The following EPS8L3 variants were observed in gnomAD, a reference collection of about 807,000 sequenced individuals.
The protein encoded by EPS8L3 is EPS8 signaling adaptor L3.
Under a neutral mutation model 88.5 loss-of-function variants are expected in EPS8L3, and 80 were observed. The observed-to-expected ratio is 0.90, with a 90% CI of 0.75 to 1.09. The LOEUF is 1.09. Among genes scored for constraint, EPS8L3 ranks in the 50% least tolerant of loss-of-function variants. EPS8L3 has a pLI of 0.00. For synonymous variants in EPS8L3, 286 were observed against 291.0 expected, an observed-to-expected ratio of 0.98 and a Z score of 0.18; for missense variants, 721 against 735.2, an observed-to-expected ratio of 0.98 and a Z score of 0.22.
chr1:109,759,131 G>A lies in EPS8L3; in HGVS notation c.406-14C>T. 6.2e-7 allele frequency: 1 copy of A among 1,608,432 alleles called. No individual in the cohort carries two copies. The highest frequency in any genetic ancestry group is 8.5e-7 in the Non-Finnish European group (1 of 1,178,976). Reference sequence around the variant, plus strand: ...CAGTCGCTCTGCCTGGGAAGCAGCAGTCAGGCAGGCTAAGTGTGTGTGTGT... The same window carrying A: ...CAGTCGCTCTGCCTGGGAAGCAGCAATCAGGCAGGCTAAGTGTGTGTGTGT... On this transcript the variant is annotated splice_polypyrimidine_tract_variant and intron_variant, in intron 5 of 18. Coordinates refer to ENST00000361965, the MANE Select transcript of EPS8L3 (RefSeq NM_133181.4). This position sits in a 1 kb window ranked among gnomAD's most constrained non-coding sequence, Gnocchi z 4.2.
At position 109,752,717 on chromosome 1, in the gene EPS8L3, G is replaced by A; in HGVS notation, c.1204C>T (p.Pro402Ser). The part of the protein sequence containing the change: ...WQLPEPSSQA[P>S]LGYQDPVSLR... Reference sequence around the variant, plus strand: ...GAAACAGGGTCCTGGTATCCTAAGGGTGCCTGTAAGGGACAGAACAGAGAG... The same window carrying A: ...GAAACAGGGTCCTGGTATCCTAAGGATGCCTGTAAGGGACAGAACAGAGAG... The change falls in exon 14 of 19, where the codon CCC (proline) becomes TCC (serine). Residue 402 changes from proline to serine, a missense_variant. Pro to Ser is a moderately conservative substitution (Grantham distance 74, BLOSUM62 -1). Coordinates refer to ENST00000361965, the MANE Select transcript of EPS8L3 (RefSeq NM_133181.4). 6.4e-7 allele frequency: 1 copy of A among 1,552,130 alleles called. No individual in the cohort carries two copies. The highest frequency in any genetic ancestry group is 2.0e-5 in the Admixed American group (1 of 51,010).
At chr1:109,762,958 G>T (rs1651154362) in intron 1 of EPS8L3, among the ~76,000 whole-genome samples, 1 of 152,222 alleles carries the variant, frequency 6.6e-6, no homozygotes, top group East Asian at 1.9e-4. Context: ...TGGGGGTGGT[G>T]TTAGTCTGTG....
intron 14 of EPS8L3, 128 bp downstream of exon 14, chr1:109,752,558 G>A: frequency 1.2e-6 from 1 of 845,406 alleles, no homozygotes; most frequent in Non-Finnish European, 1.9e-6. Flanking sequence ...GGATGTCCTT[G>A]TACATGTTTT....
At chr1:109,761,470 G>GC in intron 3 of EPS8L3, 25 bp downstream of exon 3, 1 of 1,598,592 alleles carries the variant, frequency 6.3e-7, no homozygotes, top group Non-Finnish European at 8.6e-7. Flanking sequence ...GTTGGACACT[G>GC]CCCGGGGGCT....
rs766724648 is a variant in EPS8L3, at chr1:109,753,168, G to C, written c.1149C>G (p.Pro383=). 1 of 1,613,176 alleles carries C rather than the reference G, an allele frequency of 6.2e-7. No homozygotes were observed. Among genetic ancestry groups the C allele is most frequent in the East Asian group, 2.2e-5 (1 of 44,872 alleles). Residue 383 remains proline, a synonymous_variant, in exon 13 of 19, where the codon CCC becomes CCG. Transcript: ENST00000361965. ...AGTCATCTGAGAATGTGGGTTGGTA[G>C]GGCAGGGGCTCATCGCCTGTCCAGT... ...RADWTGDEPL[P]YQPTFSDDWQ...
At position 109,759,287 on chromosome 1, in the gene EPS8L3, G is replaced by A. The variant is rs757406657; in HGVS notation, c.356C>T (p.Pro119Leu). The change falls in exon 5 of 19, where the codon CCG becomes CTG. Residue 119 changes from proline (P) to leucine (L), a missense_variant. Physicochemically the swap from Pro to Leu is moderately conservative, Grantham distance 98. Transcript: ENST00000361965. This position sits in a 1 kb window ranked among gnomAD's most constrained non-coding sequence, Gnocchi z 4.2. Reference sequence around the variant, plus strand: ...CAGAGTGCTAGTGCCTGGCAGGCCCGGCTCCTGCACGGTGATGGACAGGAT... The same window carrying A: ...CAGAGTGCTAGTGCCTGGCAGGCCCAGCTCCTGCACGGTGATGGACAGGAT... ...NSILSITVQE[P>L]GLPGTSTLLF... 1.4e-5 allele frequency: 22 copies of A among 1,614,006 alleles called. No individual in the cohort carries two copies. The highest frequency in any genetic ancestry group is 1.0e-4 in the Admixed American group (6 of 60,000).
chr1:109,761,342 T>G, intron 3 of EPS8L3, 153 bp downstream of exon 3: 3 of 651,842 alleles, frequency 4.6e-6, no homozygotes, highest in Non-Finnish European at 5.3e-6. Flanking sequence ...CTGGCAGGCT[T>G]GTTGGATCTG....
rs1650739187 is a variant in EPS8L3, at chr1:109,759,972, A to T, written c.97-136T>A. 1 of 919,028 alleles carries T rather than the reference A, an allele frequency of 1.1e-6. No individual in the cohort carries two copies. Among genetic ancestry groups the T allele is most frequent in the African/African-American group, 1.7e-5 (1 of 60,096 alleles). 56.9% of individuals were successfully genotyped at this position (919,028 alleles called of 1,614,324 possible). A position where few individuals can be genotyped will look rare whatever the true frequency, so the allele number is the denominator to read the frequency against. The stretch of plus-strand genomic sequence containing the variant: ...TGAGGTAGGAGGTTCCAGGCTTCAG[A>T]TAAAGCAACTTTCCAGGGCCAATGT... On this transcript the variant is annotated intron_variant, in intron 3 of 18. Transcript: ENST00000361965. The surrounding 1 kb of genome is among the most constrained non-coding windows in gnomAD (Gnocchi z 4.2).
chr1:109,757,803 A>G lies in EPS8L3; in HGVS notation c.893T>C (p.Leu298Pro). ...FQKIKHSFNL[L>P]GRLATWLKET... is the part of the protein sequence containing the mutation. ...GTGAACTTGTGGGGAGCCACCTACC[A>G]GGAGGTTGAAGCTGTGCTTGATCTT... The change falls in exon 10 of 19, where the codon CTG becomes CCG. Residue 298 changes from leucine (L) to proline (P), a missense_variant and splice_region_variant. Transcript: ENST00000361965. 1 of 1,613,986 alleles carries G rather than the reference A, an allele frequency of 6.2e-7. No individual in the cohort carries two copies. Among genetic ancestry groups the G allele is most frequent in the Non-Finnish European group, 8.5e-7 (1 of 1,179,876 alleles).
chr1:109,762,525 C>T (rs1651088551), intron 1 of EPS8L3, among the ~76,000 whole-genome samples: 1 of 152,196 alleles, frequency 6.6e-6, no homozygotes, highest in Non-Finnish European at 1.5e-5. Flanking sequence ...GTACATTTAT[C>T]TCCAGCAACA....
At chr1:109,754,377 G>A (rs573494565) in intron 12 of EPS8L3, among the ~76,000 whole-genome samples, 6 of 152,240 alleles carry the variant, frequency 3.9e-5, no homozygotes, top group Admixed American at 3.9e-4. Flanking sequence ...CAAAAATCAA[G>A]TTATCTAAAT....
chr1:109,750,662 C>G lies in EPS8L3; in HGVS notation c.1768G>C (p.Gly590Arg). Reference sequence around the variant, plus strand: ...TCAGGACCCCAGGGTGTCCTCACCCCCAGCATCCTTCTGACAGCCTCCAGC... The same window carrying G: ...TCAGGACCCCAGGGTGTCCTCACCCGCAGCATCCTTCTGACAGCCTCCAGC... The part of the protein sequence containing the change: ...SRLEAVRRML[G>R]ISP The change falls in exon 18 of 19, where the codon GGG (glycine) becomes CGG (arginine). Residue 590 changes from glycine (G) to arginine (R), a missense_variant and splice_region_variant. By Grantham distance (125) the Gly-to-Arg change is moderately radical. Transcript: ENST00000361965. The G allele has an allele frequency of 3.1e-6, 5 of 1,614,176 alleles. No homozygotes were observed. In the South Asian group the frequency reaches 5.5e-5, roughly 18 times the overall value.
chr1:109,762,881 C>T (rs1177377629), intron 1 of EPS8L3, among the ~76,000 whole-genome samples: 1 of 152,176 alleles, frequency 6.6e-6, no homozygotes, highest in Non-Finnish European at 1.5e-5. Flanking sequence ...TGCGCAGTCA[C>T]AGAGGGAGTC....
rs1376499314 is a variant in EPS8L3 at position 109,757,877 on chromosome 1, C to T, written c.833-14G>A. ...CCTGGGTGAGACCTGGGAGAAGGGG[C>T]CAAGACGGTGGGCCAGAGATCACCC... is the stretch of plus-strand genomic sequence containing the variant. On this transcript the variant is annotated splice_polypyrimidine_tract_variant and intron_variant, in intron 9 of 18. Coordinates refer to ENST00000361965, the MANE Select transcript of EPS8L3 (RefSeq NM_133181.4). The T allele has an allele frequency of 1.2e-6, 2 of 1,614,068 alleles. No individual in the cohort carries two copies. Among genetic ancestry groups the T allele is most frequent in the African/African-American group, 1.3e-5 (1 of 75,024 alleles).
chr1:109,759,144 A>AGAGTGT lies in EPS8L3; in HGVS notation c.406-28_406-27insACACTC. 1 of 1,491,460 alleles carries AGAGTGT rather than the reference A, an allele frequency of 6.7e-7. No individual in the cohort carries two copies. 92.4% of individuals were successfully genotyped at this position (1,491,460 alleles called of 1,614,324 possible). A position where few individuals can be genotyped will look rare whatever the true frequency, so the allele number is the denominator to read the frequency against. The stretch of plus-strand genomic sequence containing the variant: ...TGGGAAGCAGCAGTCAGGCAGGCTA[A>AGAGTGT]GTGTGTGTGTGTGTGTGTGTGTGTG... On this transcript the variant is annotated intron_variant, in intron 5 of 18. Transcript: ENST00000361965. The surrounding 1 kb of genome is among the most constrained non-coding windows in gnomAD (Gnocchi z 4.2).
Position 109,757,829 on chromosome 1 carries a change from C to T in EPS8L3, c.867G>A (p.Gln289=). The change falls in exon 10 of 19, where the codon CAG becomes CAA. Residue 289 remains glutamine, a synonymous_variant. Coordinates refer to ENST00000361965, the MANE Select transcript of EPS8L3 (RefSeq NM_133181.4). ...GGAGGTTGAAGCTGTGCTTGATCTT[C>T]TGGAAGCAGTCAATGTACTGTGCCT... The part of the protein sequence containing the change: ...LTQAQYIDCF[Q]KIKHSFNLLG... 3 of 1,614,160 alleles carry T rather than the reference C, an allele frequency of 1.9e-6. No homozygotes were observed. Among genetic ancestry groups the T allele is most frequent in the Non-Finnish European group, 1.7e-6 (2 of 1,180,010 alleles).
At chr1:109,753,464 A>T (rs1649998204) in intron 12 of EPS8L3, among the ~76,000 whole-genome samples, 2 of 152,220 alleles carry the variant, frequency 1.3e-5, no homozygotes, top group South Asian at 4.1e-4. Flanking sequence ...CCGTAAGAAC[A>T]TGATGGACAC....
Position 109,759,852 on chromosome 1 carries a change from G to T in EPS8L3, c.97-16C>A, listed in dbSNP as rs1252230447. Reference sequence around the variant, plus strand: ...TCATCAAGTGCTGCAGGGAGAGGGGGAGTCCTAGGACTGGGAGAAAGCTCA... The same window carrying T: ...TCATCAAGTGCTGCAGGGAGAGGGGTAGTCCTAGGACTGGGAGAAAGCTCA... On this transcript the variant is annotated splice_polypyrimidine_tract_variant and intron_variant, in intron 3 of 18. Transcript: ENST00000361965. This position sits in a 1 kb window ranked among gnomAD's most constrained non-coding sequence, Gnocchi z 4.2. The T allele has an allele frequency of 3.1e-6, 5 of 1,612,448 alleles. No individual in the cohort carries two copies. Among genetic ancestry groups the T allele is most frequent in the Non-Finnish European group, 3.4e-6 (4 of 1,179,388 alleles).
Position 109,762,762 on chromosome 1 carries a change from T to TA in EPS8L3, c.-24-990dup, listed in dbSNP as rs1322013590. Reference sequence around the variant, plus strand: ...TGAGGACTCTGAGGCTCAAAGACGGTAACAGGCCTGAGGTCACAAATGAAC... The same window carrying TA: ...TGAGGACTCTGAGGCTCAAAGACGGTAAACAGGCCTGAGGTCACAAATGAAC... On this transcript the variant is annotated intron_variant, in intron 1 of 18. Transcript: ENST00000361965. Among the ~76,000 whole-genome samples the TA allele has an allele frequency of 7.9e-5, 12 of 152,346 alleles. No homozygotes were observed. The South Asian group carries it at 2.3e-3, about 29-fold the overall frequency.
Sources: allele counts gnomAD v4.1 joint callset (sites outside exome capture counted in the v4.1 genomes callset), GRCh38; gene constraint gnomAD v4.1.1; non-coding constraint Gnocchi (gnomAD v3.1); transcripts MANE v1.5; gene names NCBI Gene and HGNC (gene_info 2026-07-23, HGNC 2026-07-21).